The following GK5 variants were observed in gnomAD, a reference collection of about 807,000 sequenced individuals.
GK5 encodes ATP:glycerol 3-phosphotransferase 5.
GK5 carries 39 observed loss-of-function variants against 77.3 expected under a neutral mutation model. The observed-to-expected ratio is 0.50, with a 90% CI of 0.39 to 0.66. The LOEUF (loss-of-function observed/expected upper bound fraction) is 0.66. GK5 is among the 30% of genes least tolerant of loss of function. The pLI, the probability that GK5 is intolerant of heterozygous loss-of-function variation, is 0.00. For missense variants in GK5, 487 were observed against 633.8 expected, an observed-to-expected ratio of 0.77 and a Z score of 2.49; for synonymous variants, 211 against 208.0, an observed-to-expected ratio of 1.01 and a Z score of -0.13.
At chr3:142,202,265 C>CA (rs2064036366) in intron 4 of GK5, among the ~76,000 whole-genome samples, 1 of 152,068 alleles carries the variant, frequency 6.6e-6, no homozygotes, top group African/African-American at 2.4e-5. Flanking sequence ...AGAATAAGAA[C>CA]AAAAAAGTAA....
At chr3:142,190,163 G>C (rs1039414056) in intron 5 of GK5, among the ~76,000 whole-genome samples, 1 of 152,106 alleles carries the variant, frequency 6.6e-6, no homozygotes, top group African/African-American at 2.4e-5. Flanking sequence ...CAATTGAAGA[G>C]TGAATAATAG....
rs2064421128 is a variant in GK5 at position 142,225,585 on chromosome 3, T to C, written c.-130A>G. The C allele has an allele frequency of 1.7e-6, 2 of 1,160,954 alleles. No individual in the cohort carries two copies. The highest frequency in any genetic ancestry group is 1.8e-5 in the South Asian group (1 of 56,518). The allele number at this position is 1,160,954 out of a possible 1,614,324, so 71.9% of individuals were successfully genotyped here. On this transcript the variant is annotated 5_prime_UTR_variant, in exon 1 of 16. Transcript: ENST00000392993. ...CTCAGCCGGAGAGCCTAGAGAGGCC[T>C]GGCCCCTGCCGCCGGCTCCACCCCG...
chr3:142,204,472 A>C (rs1054604067), intron 4 of GK5: 10 of 585,278 alleles, frequency 1.7e-5, no homozygotes, highest in African/African-American at 1.7e-4. Flanking sequence ...AACATGTGAA[A>C]CTCTGGTCCA....
At position 142,183,064 on chromosome 3, in the gene GK5, C is replaced by A; in HGVS notation, c.817-15G>T. The A allele has an allele frequency of 6.2e-7, 1 of 1,612,930 alleles. No individual in the cohort carries two copies. Among genetic ancestry groups the A allele is most frequent in the South Asian group, 1.1e-5 (1 of 90,866 alleles). On this transcript the variant is annotated splice_polypyrimidine_tract_variant and intron_variant, in intron 9 of 15. Transcript: ENST00000392993. The stretch of plus-strand genomic sequence containing the variant: ...TGGTCAGCAACCTACCAAAAATGTT[C>A]AAATGTAAACCCATTGCCCTTAACA...
chr3:142,193,677 G>C (rs1271168767), intron 5 of GK5, among the ~76,000 whole-genome samples: 3 of 152,016 alleles, frequency 2.0e-5, no homozygotes, highest in African/African-American at 7.2e-5. Context: ...TATATATTTT[G>C]TAGTTAAGCT....
At chr3:142,193,483 C>CAAAAAAAAAAA (rs1161095979) in intron 5 of GK5, among the ~76,000 whole-genome samples, 1 of 70,904 alleles carries the variant, frequency 1.4e-5, no homozygotes, top group Non-Finnish European at 3.3e-5. Context: ...TTGTCTGCTA[C>CAAAAAAAAAAA]AAAAAAAAAA....
chr3:142,186,630 CTTTTT>C (rs781196956), intron 6 of GK5, 117 bp from the exon 7 acceptor site: 249 of 262,052 alleles, frequency 9.5e-4, no homozygotes, highest in Middle Eastern at 1.3e-3. Context: ...TGTGTATTTT[CTTTTT>C]TTTTTTTTTT....
intron 9 of GK5, 66 bp from the exon 10 acceptor site, chr3:142,183,115 G>A: frequency 7.1e-7 from 1 of 1,410,606 alleles, no homozygotes. Context: ...ATAGAGCATT[G>A]TCTCACTTAT....
Position 142,172,440 on chromosome 3 carries a change from G to A in GK5, c.1160C>T (p.Pro387Leu), listed in dbSNP as rs571277647. The change falls in exon 13 of 16, where the codon CCC (proline) becomes CTC (leucine). Residue 387 changes from proline to leucine, a missense_variant. Around this residue, in one of 4 missense-constraint regions of GK5, gnomAD observed 323 missense variants for 437.4 expected, o/e 0.74. Coordinates refer to ENST00000392993, the MANE Select transcript of GK5 (RefSeq NM_001039547.3). Reference sequence around the variant, plus strand: ...ACCCATAAAAGAGGCACATGCCCAGGGGTCATTTAATGGAGCCTACAGTAA... The same window carrying A: ...ACCCATAAAAGAGGCACATGCCCAGAGGTCATTTAATGGAGCCTACAGTAA... Reference protein sequence around the residue: ...FSGLQAPLNDPWACASFMGLK... With the variant: ...FSGLQAPLNDLWACASFMGLK... 18 of 1,593,312 alleles carry A rather than the reference G, an allele frequency of 1.1e-5. No individual in the cohort carries two copies. The East Asian group carries it at 3.8e-4, about 34-fold the overall frequency.
intron 5 of GK5, among the ~76,000 whole-genome samples, chr3:142,191,276 C>T (rs1175332239): frequency 6.6e-6 from 1 of 152,032 alleles, no homozygotes; most frequent in Non-Finnish European, 1.5e-5. Flanking sequence ...GATCCGCCCA[C>T]CTCGGCCTCC....
chr3:142,173,653 T>C (rs80230720), intron 12 of GK5, among the ~76,000 whole-genome samples: 10 of 152,060 alleles, frequency 6.6e-5, no homozygotes, highest in East Asian at 5.8e-4. Flanking sequence ...CACTGCACTC[T>C]AGCCTGGGCA....
At chr3:142,178,397 CAAGACA>C (rs2063650650) in intron 11 of GK5, among the ~76,000 whole-genome samples, 1 of 151,666 alleles carries the variant, frequency 6.6e-6, no homozygotes, top group Admixed American at 6.6e-5. Context: ...ACAAAAAAAC[CAAGACA>C]ATTAATTTAG....
At chr3:142,177,456 T>C (rs1226957558) in intron 12 of GK5, 26 bp downstream of exon 12, 1 of 1,270,510 alleles carries the variant, frequency 7.9e-7, no homozygotes, top group Admixed American at 2.0e-5. Flanking sequence ...TATTTGTGAT[T>C]GCCATTAACT....
chr3:142,203,998 C>T (rs950268989), intron 4 of GK5, among the ~76,000 whole-genome samples: 3 of 152,028 alleles, frequency 2.0e-5, no homozygotes, highest in African/African-American at 7.2e-5. Context: ...TTTACTGATG[C>T]CTACTATGTA....
Position 142,182,894 on chromosome 3 carries a change from A to C in GK5, c.943+29T>G, listed in dbSNP as rs547618764. 166 of 1,525,694 alleles carry C rather than the reference A, an allele frequency of 1.1e-4. 1 individual carries two copies. The East Asian group carries it at 3.7e-3, about 34-fold the overall frequency. The allele number at this position is 1,525,694 out of a possible 1,614,324, so 94.5% of individuals were successfully genotyped here. A position where few individuals can be genotyped will look rare whatever the true frequency, so the allele number is the denominator to read the frequency against. On this transcript the variant is annotated intron_variant, in intron 10 of 15. Coordinates refer to ENST00000392993, the MANE Select transcript of GK5 (RefSeq NM_001039547.3). ...ATATGAACAGAAGTGATATTTTATT[A>C]ATAAATAGGATAAATCCTAACTACT...
At chr3:142,176,658 A>ATTTTTTT (rs1219207632) in intron 12 of GK5, among the ~76,000 whole-genome samples, 60 of 105,182 alleles carry the variant, frequency 5.7e-4, no homozygotes, top group Non-Finnish European at 7.9e-4. Flanking sequence ...GGAGATTTTG[A>ATTTTTTT]TTTTTTTTTT....
At chr3:142,210,659 C>G (rs1310149176) in intron 3 of GK5, among the ~76,000 whole-genome samples, 1 of 152,192 alleles carries the variant, frequency 6.6e-6, no homozygotes, top group African/African-American at 2.4e-5. Flanking sequence ...AGATAAAAAA[C>G]TCACAATGAA....
rs2063974546 is a variant in GK5 at position 142,198,844 on chromosome 3, CT to C, written c.500del (p.Gln167ArgfsTer4). 1 of 1,613,334 alleles carries C rather than the reference CT, an allele frequency of 6.2e-7. No individual in the cohort carries two copies. The highest frequency in any genetic ancestry group is 2.2e-5 in the East Asian group (1 of 44,794). ...AAATCCAGACCAATCTCAAAGAAGT[CT>C]GCTGGGTTGTGAAAGTGAACAAACT... is the stretch of plus-strand genomic sequence containing the variant. ...TASLFTFTTQ[Q>X]TSLRLVWILQ... On this transcript the variant is annotated frameshift_variant, in exon 5 of 16. Coordinates refer to ENST00000392993, the MANE Select transcript of GK5 (RefSeq NM_001039547.3). LOFTEE classifies it high-confidence loss of function.
intron 11 of GK5, among the ~76,000 whole-genome samples, chr3:142,178,756 G>A (rs565503183): frequency 3.9e-5 from 6 of 152,170 alleles, no homozygotes; most frequent in African/African-American, 1.4e-4. Flanking sequence ...GTGGACATAT[G>A]TATACATTTC....
Sources: allele counts gnomAD v4.1 joint callset (sites outside exome capture counted in the v4.1 genomes callset), GRCh38; gene constraint gnomAD v4.1.1; regional missense constraint gnomAD v4.1.1; transcripts MANE v1.5; gene names NCBI Gene and HGNC (gene_info 2026-07-23, HGNC 2026-07-21).